The following MYO3A variants were observed in gnomAD, a reference collection of about 807,000 sequenced individuals.
MYO3A encodes myosin IIIA.
MYO3A carries 180 observed loss-of-function variants against 192.7 expected under a neutral mutation model. The observed-to-expected ratio is 0.93, with a 90% CI of 0.83 to 1.06. MYO3A has a LOEUF of 1.06. Ranked by LOEUF, MYO3A falls within the 50% of genes least tolerant of loss-of-function variation. MYO3A has a pLI of 0.00. For missense variants in MYO3A, 1,896 were observed against 1,905.0 expected, an observed-to-expected ratio of 1.00 and a Z score of 0.09; for synonymous variants, 628 against 645.3, an observed-to-expected ratio of 0.97 and a Z score of 0.41.
intron 2 of MYO3A, among the ~76,000 whole-genome samples, chr10:25,948,230 T>G (rs915904707): frequency 2.0e-5 from 3 of 152,200 alleles, no homozygotes; most frequent in Non-Finnish European, 2.9e-5. Context: ...GTTTGGTTAT[T>G]TTATTAAAGA....
chr10:26,203,064 C>T lies in MYO3A; in HGVS notation c.4687C>T (p.Pro1563Ser). 1 of 1,613,642 alleles carries T rather than the reference C, an allele frequency of 6.2e-7. No individual in the cohort carries two copies. The highest frequency in any genetic ancestry group is 8.5e-7 in the Non-Finnish European group (1 of 1,179,788). The stretch of plus-strand genomic sequence containing the variant: ...TAGCCCTAGTTTAAGAGAACGAAGA[C>T]CACAGCAAGAACTCCAGAATCAATG... ...EHSPSLRERR[P>S]QQELQNQCIK... Residue 1563 changes from proline to serine, a missense_variant, in exon 34 of 35, where the codon CCA becomes TCA. By Grantham distance (74) the Pro-to-Ser change is moderately conservative. Coordinates refer to ENST00000642920, the MANE Select transcript of MYO3A (RefSeq NM_017433.5).
In MYO3A at chr10:26,049,455, A is replaced by G. The variant is rs142019138; in HGVS notation, c.954-17520A>G. ...ATAGGGGATCAAAGGAGATAATTTT[A>G]AAGATGGGAGATACTAGAGCACAGG... On this transcript the variant is annotated intron_variant, in intron 10 of 34. Transcript: ENST00000642920. 2.3e-4 allele frequency among the ~76,000 whole-genome samples: 35 copies of G among 152,214 alleles called. No homozygotes were observed. The East Asian group carries it at 6.0e-3, about 26-fold the overall frequency.
chr10:26,120,203 A>G (rs1334601742), intron 17 of MYO3A, among the ~76,000 whole-genome samples: 2 of 152,078 alleles, frequency 1.3e-5, no homozygotes, highest in East Asian at 1.9e-4. Flanking sequence ...TTTAAACGAC[A>G]CATATCCTTT....
chr10:26,097,409 T>G (rs1303501811), intron 17 of MYO3A, among the ~76,000 whole-genome samples: 1 of 152,198 alleles, frequency 6.6e-6, no homozygotes, highest in Non-Finnish European at 1.5e-5. Flanking sequence ...AATTATATTT[T>G]AACTTCTAGG....
intron 17 of MYO3A, among the ~76,000 whole-genome samples, chr10:26,104,860 T>G (rs1837694887): frequency 1.7e-5 from 2 of 114,692 alleles, no homozygotes; most frequent in South Asian, 6.1e-4. Flanking sequence ...GAGTCTTGTT[T>G]ATAGATACAC....
At chr10:26,042,117 A>G (rs557599694) in intron 10 of MYO3A, among the ~76,000 whole-genome samples, 157 of 152,228 alleles carry the variant, frequency 1.0e-3, no homozygotes, top group African/African-American at 3.4e-3. Context: ...TATTTTCTCC[A>G]TCAGCACTTT....
Position 26,173,737 on chromosome 10 carries a change from A to C in MYO3A, c.3473A>C (p.Lys1158Thr), listed in dbSNP as rs1489676777. The change falls in exon 30 of 35, where the codon AAA (lysine) becomes ACA (threonine). Residue 1158 changes from lysine to threonine, a missense_variant. Transcript: ENST00000642920. ...NERFISAPNN[K>T]GSVSVVKTST... The stretch of plus-strand genomic sequence containing the variant: ...AGATTCATTTCAGCTCCAAATAATA[A>C]AGGAAGTGTATCTGTAGTGAAGACT... The C allele has an allele frequency of 1.9e-6, 3 of 1,613,932 alleles. No individual in the cohort carries two copies. The highest frequency in any genetic ancestry group is 1.7e-6 in the Non-Finnish European group (2 of 1,179,836).
chr10:26,147,282 AGG>A (rs1276228970), intron 22 of MYO3A, 146 bp from the exon 23 acceptor site: 5 of 696,072 alleles, frequency 7.2e-6, no homozygotes, highest in Non-Finnish European at 1.2e-5. Context: ...TAAGATGATA[AGG>A]GGCTACCTTA....
At chr10:26,150,770 G>T (rs962585950) in intron 23 of MYO3A, among the ~76,000 whole-genome samples, 18 of 151,872 alleles carry the variant, frequency 1.2e-4, no homozygotes, top group Non-Finnish European at 2.1e-4. Flanking sequence ...GGTTTCATTG[G>T]TTTTTTTATT....
intron 4 of MYO3A, among the ~76,000 whole-genome samples, chr10:25,978,007 GA>G (rs1460573162): frequency 1.3e-5 from 2 of 151,942 alleles, no homozygotes; most frequent in Non-Finnish European, 2.9e-5. Flanking sequence ...CTTCTAATGT[GA>G]ATTTTTTTTT....
At chr10:25,940,574 G>A (rs546175682) in intron 2 of MYO3A, among the ~76,000 whole-genome samples, 1 of 151,926 alleles carries the variant, frequency 6.6e-6, no homozygotes, top group South Asian at 2.1e-4. Flanking sequence ...CTTTCTTGCG[G>A]GATCATTGTC....
Position 26,166,227 on chromosome 10 carries a change from C to T in MYO3A, c.3111+49C>T. 9 of 1,396,500 alleles carry T rather than the reference C, an allele frequency of 6.4e-6. 1 individual carries two copies. The highest frequency in any genetic ancestry group is 8.1e-6 in the Non-Finnish European group (8 of 983,344). The allele number at this position is 1,396,500 out of a possible 1,614,324, so 86.5% of individuals were successfully genotyped here. A position where few individuals can be genotyped will look rare whatever the true frequency, so the allele number is the denominator to read the frequency against. ...GGAAAATAAATAATTATGCTGGGTT[C>T]ACTGAGAATTGTAACATTTTACAAT... is the stretch of plus-strand genomic sequence containing the variant. On this transcript the variant is annotated intron_variant, in intron 27 of 34. Transcript: ENST00000642920.
chr10:26,063,572 A>T (rs773872833), intron 10 of MYO3A, among the ~76,000 whole-genome samples: 2 of 152,220 alleles, frequency 1.3e-5, no homozygotes, highest in Non-Finnish European at 1.5e-5. Flanking sequence ...TATCCTAGGA[A>T]ATTTACAATC....
intron 21 of MYO3A, among the ~76,000 whole-genome samples, chr10:26,143,916 G>T (rs189210446): frequency 1.4e-4 from 22 of 152,334 alleles, no homozygotes; most frequent in South Asian, 8.3e-4. Flanking sequence ...TTGGTGAGCA[G>T]TGCAAAAGGA....
At chr10:26,075,916 G>T (rs1366144743) in intron 14 of MYO3A, among the ~76,000 whole-genome samples, 1 of 151,226 alleles carries the variant, frequency 6.6e-6, no homozygotes, top group Non-Finnish European at 1.5e-5. Context: ...ATTTGGGTTG[G>T]TTCCATGATT....
intron 8 of MYO3A, chr10:26,022,507 G>A (rs1006475942): frequency 1.3e-5 from 2 of 152,038 alleles, no homozygotes; most frequent in Non-Finnish European, 1.5e-5. Flanking sequence ...TTTTGCCTTT[G>A]AATTTCTTGT....
chr10:26,202,724 A>G (rs1843732208), intron 33 of MYO3A: 4 of 444,890 alleles, frequency 9.0e-6, no homozygotes, highest in Admixed American at 3.6e-5. Context: ...TCAGTGCAAT[A>G]GAACCAGGAA....
chr10:26,212,012 G>A lies in MYO3A; in HGVS notation c.*49G>A, dbSNP rs925895059. 4 of 1,594,694 alleles carry A rather than the reference G, an allele frequency of 2.5e-6. No individual in the cohort carries two copies. The highest frequency in any genetic ancestry group is 3.6e-4 in the Middle Eastern group (2 of 5,526). On this transcript the variant is annotated 3_prime_UTR_variant, in exon 35 of 35. Transcript: ENST00000642920. ...CGTCGGAAGGCGCTGGAGCCTGCGGGGCAGCAGGGGCCAAGCAGGCACTCT... is the reference window on the plus strand; with the variant it reads ...CGTCGGAAGGCGCTGGAGCCTGCGGAGCAGCAGGGGCCAAGCAGGCACTCT...
chr10:26,204,152 C>T (rs1843800116), intron 34 of MYO3A: 1 of 152,170 alleles, frequency 6.6e-6, no homozygotes, highest in South Asian at 2.1e-4. Flanking sequence ...TCTTGGGATC[C>T]AGCACTGTAA....
Sources: gnomAD v4.1 joint callset for allele counts (sites outside exome capture counted in the v4.1 genomes callset) on GRCh38, gnomAD v4.1.1 for gene constraint, MANE v1.5 for transcripts, NCBI Gene and HGNC (gene_info 2026-07-23, HGNC 2026-07-21) for gene names.